The following CNTNAP2 variants were observed in gnomAD, a reference collection of about 807,000 sequenced individuals.
CNTNAP2 encodes contactin associated protein 2.
In CNTNAP2, 98 loss-of-function variants were observed where a neutral mutation model predicts 155.2. The ratio of observed to expected loss-of-function variants is 0.63; its 90% confidence interval spans 0.54 to 0.75. CNTNAP2 has a LOEUF of 0.75. CNTNAP2 is among the 30% of genes least tolerant of loss of function. The pLI, the probability that CNTNAP2 is intolerant of heterozygous loss-of-function variation, is 0.00. For synonymous variants in CNTNAP2, 651 were observed against 631.2 expected, an observed-to-expected ratio of 1.03 and a Z score of -0.47; for missense variants, 1,727 against 1,688.1, an observed-to-expected ratio of 1.02 and a Z score of -0.40.
intron 1 of CNTNAP2, among the ~76,000 whole-genome samples, chr7:146,371,830 A>G (rs1292834530): frequency 2.6e-5 from 4 of 151,900 alleles, no homozygotes; most frequent in South Asian, 2.1e-4. Context: ...ATAGTGGCAC[A>G]TGCCTGTAAT....
At chr7:146,351,468 T>C (rs1357542441) in intron 1 of CNTNAP2, among the ~76,000 whole-genome samples, 3 of 152,198 alleles carry the variant, frequency 2.0e-5, no homozygotes, top group Non-Finnish European at 4.4e-5. Context: ...CTTCATGTTG[T>C]ATTTATATTA....
chr7:146,628,292 A>G (rs1799453683), intron 1 of CNTNAP2, among the ~76,000 whole-genome samples: 1 of 152,128 alleles, frequency 6.6e-6, no homozygotes, highest in Non-Finnish European at 1.5e-5. Flanking sequence ...AAAATTTTAG[A>G]GCACCTTGTT....
At chr7:146,964,692 G>T (rs1016982124) in intron 3 of CNTNAP2, among the ~76,000 whole-genome samples, 1 of 152,182 alleles carries the variant, frequency 6.6e-6, no homozygotes, top group Non-Finnish European at 1.5e-5. Context: ...TCCTTTTTAT[G>T]TACAGCAGGG....
chr7:147,287,930 G>A (rs1224830623), intron 8 of CNTNAP2, among the ~76,000 whole-genome samples: 1 of 152,020 alleles, frequency 6.6e-6, no homozygotes, highest in Non-Finnish European at 1.5e-5. Flanking sequence ...CCTAATGACG[G>A]TAAGAGCATC....
intron 12 of CNTNAP2, among the ~76,000 whole-genome samples, chr7:147,580,449 T>C (rs901840203): frequency 1.3e-5 from 2 of 152,192 alleles, no homozygotes; most frequent in Non-Finnish European, 2.9e-5. Flanking sequence ...AATTGAGACT[T>C]ATGTTTTGAC....
At chr7:147,873,911 C>G (rs1017196691) in intron 13 of CNTNAP2, among the ~76,000 whole-genome samples, 7 of 152,174 alleles carry the variant, frequency 4.6e-5, no homozygotes, top group African/African-American at 1.7e-4. Context: ...AAAGGGGCTA[C>G]AGGCTCCATG....
intron 10 of CNTNAP2, among the ~76,000 whole-genome samples, chr7:147,418,441 CA>C (rs1179119157): frequency 6.6e-6 from 1 of 152,126 alleles, no homozygotes; most frequent in Non-Finnish European, 1.5e-5. Flanking sequence ...ATGAAGAGAA[CA>C]AATAAAGTCA....
At chr7:147,188,523 A>G (rs1802614701) in intron 8 of CNTNAP2, among the ~76,000 whole-genome samples, 1 of 152,216 alleles carries the variant, frequency 6.6e-6, no homozygotes, top group Non-Finnish European at 1.5e-5. Context: ...TCCCTGAGAG[A>G]AAGCACCAGA....
chr7:148,032,880 C>T (rs1241914549), intron 15 of CNTNAP2, among the ~76,000 whole-genome samples: 5 of 152,234 alleles, frequency 3.3e-5, no homozygotes, highest in East Asian at 1.9e-4. Context: ...ATATTCCTGG[C>T]TCAAAAATTT....
chr7:146,559,450 C>A (rs1798247829), intron 1 of CNTNAP2, among the ~76,000 whole-genome samples: 1 of 151,734 alleles, frequency 6.6e-6, no homozygotes. Context: ...TGGCTGTAGT[C>A]CCAGCTACTC....
At chr7:148,203,930 T>A (rs1045105760) in intron 18 of CNTNAP2, among the ~76,000 whole-genome samples, 1 of 152,180 alleles carries the variant, frequency 6.6e-6, no homozygotes, top group Admixed American at 6.5e-5. Context: ...TATACCATCA[T>A]AAACAGCATT....
chr7:147,379,095 G>A (rs1373902834), intron 9 of CNTNAP2, among the ~76,000 whole-genome samples: 1 of 151,952 alleles, frequency 6.6e-6, no homozygotes, highest in East Asian at 1.9e-4. Flanking sequence ...AGAAGGGTGT[G>A]TTTGCTTCCC....
At chr7:147,377,142 C>CG (rs1167796185) in intron 9 of CNTNAP2, among the ~76,000 whole-genome samples, 1 of 150,816 alleles carries the variant, frequency 6.6e-6, no homozygotes, top group South Asian at 2.1e-4. Context: ...CTTCTCCCCC[C>CG]CCTTTTGGTT....
chr7:147,471,346 C>A (rs148082936), intron 10 of CNTNAP2, among the ~76,000 whole-genome samples: 209 of 152,282 alleles, frequency 1.4e-3, no homozygotes, highest in Admixed American at 2.4e-3. Flanking sequence ...CTCTACAAGA[C>A]AACAGGCCTA....
At chr7:148,151,212 C>T (rs1190471306) in intron 17 of CNTNAP2, among the ~76,000 whole-genome samples, 1 of 152,064 alleles carries the variant, frequency 6.6e-6, no homozygotes, top group Non-Finnish European at 1.5e-5. Flanking sequence ...AATACAGCTC[C>T]TACACCACAG....
chr7:146,931,271 G>A (rs1023053030), intron 3 of CNTNAP2, among the ~76,000 whole-genome samples: 42 of 152,072 alleles, frequency 2.8e-4, no homozygotes, highest in Non-Finnish European at 4.0e-4. Flanking sequence ...CAGAAATCAG[G>A]ATTAAGAAAC....
At chr7:147,925,298 A>AGTG (rs1563137365) in intron 14 of CNTNAP2, among the ~76,000 whole-genome samples, 3 of 106,172 alleles carry the variant, frequency 2.8e-5, no homozygotes, top group East Asian at 2.6e-4. Flanking sequence ...GCGCGCACAC[A>AGTG]CACACACACA....
chr7:147,987,686 G>T (rs947665725), intron 15 of CNTNAP2, among the ~76,000 whole-genome samples: 1 of 152,032 alleles, frequency 6.6e-6, no homozygotes, highest in Non-Finnish European at 1.5e-5. Flanking sequence ...TCTATTTTAT[G>T]TTATTTTATT....
Position 147,617,342 on chromosome 7 carries a change from T to C in CNTNAP2, c.1898-21764T>C, listed in dbSNP as rs557260455. On this transcript the variant is annotated intron_variant, in intron 12 of 23. Transcript: ENST00000361727. The stretch of plus-strand genomic sequence containing the variant: ...TAACTGCCACTGGACCATAAGCTCA[T>C]AGAAAACAGGAAAGCAAGTCTTTTT... Among the ~76,000 whole-genome samples the C allele has an allele frequency of 1.9e-3, 295 of 152,254 alleles. 1 individual carries two copies. The highest frequency in any genetic ancestry group is 3.4e-3 in the Middle Eastern group (1 of 294).
Sources: gnomAD v4.1 joint callset for allele counts (sites outside exome capture counted in the v4.1 genomes callset) on GRCh38, gnomAD v4.1.1 for gene constraint, MANE v1.5 for transcripts, NCBI Gene and HGNC (gene_info 2026-07-23, HGNC 2026-07-21) for gene names.